Variants in NHERF2 observed in about 807,000 individuals in gnomAD.
NHERF2 encodes the protein NHERF family PDZ scaffold protein 2, also known as Na(+)/H(+) exchange regulatory cofactor NHE-RF2.
chr16:2,036,707 G>C, the NHERF2 span: 3 of 1,609,338 alleles, frequency 1.9e-6, no homozygotes, highest in Non-Finnish European at 1.7e-6. Flanking sequence ...TGGCGGGGCT[G>C]ATACATGCTG....
chr16:2,033,566 C>T, the NHERF2 span: 2 of 954,404 alleles, frequency 2.1e-6, no homozygotes, highest in Non-Finnish European at 3.0e-6. Context: ...CCTTTCTCTG[C>T]CAGGGCTGGT....
At chr16:2,038,365 T>C in the NHERF2 span, 1 of 450,128 alleles carries the variant, frequency 2.2e-6, no homozygotes, top group Non-Finnish European at 4.3e-6. Context: ...CAAAAAGATC[T>C]CCAGCTCCAC....
chr16:2,032,696 C>A, the NHERF2 span: 1 of 485,862 alleles, frequency 2.1e-6, no homozygotes, highest in Non-Finnish European at 2.7e-6. The surrounding 1 kb of genome is among the most constrained non-coding windows in gnomAD (Gnocchi z 4.0). Context: ...GCCGTGAAGG[C>A]CTAGTTAGTG....
chr16:2,033,743 T>C, the NHERF2 span, among the ~76,000 whole-genome samples: 538 of 152,026 alleles, frequency 3.5e-3, 2 homozygotes, highest in Non-Finnish European at 5.7e-3. Context: ...CGGCAGGAAG[T>C]GTGTGCTGAG....
the NHERF2 span, chr16:2,035,392 C>G: frequency 1.0e-6 from 1 of 981,124 alleles, no homozygotes; most frequent in Non-Finnish European, 1.2e-6. Flanking sequence ...CCGCCCCAGC[C>G]CTGGCCTGGC....
chr16:2,029,506 C>A, the NHERF2 span: 1 of 1,396,054 alleles, frequency 7.2e-7, no homozygotes, highest in Non-Finnish European at 9.9e-7. Flanking sequence ...CCTGGGCCAG[C>A]CCAGAGTGGT....
chr16:2,036,889 A>G, the NHERF2 span: 2 of 1,604,446 alleles, frequency 1.2e-6, no homozygotes, highest in African/African-American at 2.7e-5. Flanking sequence ...AAGGTGGGCC[A>G]CGGCCCAGGG....
the NHERF2 span, chr16:2,029,715 ACG>A: frequency 9.4e-7 from 1 of 1,068,848 alleles, no homozygotes; most frequent in Non-Finnish European, 1.3e-6. Context: ...CCACCCGCCC[ACG>A]ACCCCTGGGA....
chr16:2,033,053 T>C, the NHERF2 span: 2 of 1,293,886 alleles, frequency 1.5e-6, no homozygotes, highest in African/African-American at 1.5e-5. Flanking sequence ...CCGGGACTCC[T>C]CCCTGTCCCC....
the NHERF2 span, among the ~76,000 whole-genome samples, chr16:2,032,469 C>T: frequency 6.6e-6 from 1 of 152,234 alleles, no homozygotes; most frequent in African/African-American, 2.4e-5. The surrounding 1 kb of genome is among the most constrained non-coding windows in gnomAD (Gnocchi z 4.0). Context: ...GAGGGCAAAG[C>T]TTACCTTGCG....
the NHERF2 span, chr16:2,029,457 C>A: frequency 1.1e-6 from 1 of 881,960 alleles, no homozygotes; most frequent in Non-Finnish European, 1.8e-6. Flanking sequence ...CCTCTTGGTG[C>A]AGCCACCCGC....
the NHERF2 span, among the ~76,000 whole-genome samples, chr16:2,034,889 G>A: frequency 1.9e-4 from 29 of 152,264 alleles, no homozygotes; most frequent in Non-Finnish European, 3.5e-4. Context: ...TGGTGGGCAG[G>A]TGTCAGGGTC....
At chr16:2,027,937 C>A in the NHERF2 span, among the ~76,000 whole-genome samples, 1 of 152,232 alleles carries the variant, frequency 6.6e-6, no homozygotes, top group East Asian at 1.9e-4. Context: ...AAAGGCACTA[C>A]TCCTCCTCAG....
the NHERF2 span, among the ~76,000 whole-genome samples, chr16:2,028,027 G>T: frequency 1.3e-5 from 2 of 152,196 alleles, no homozygotes; most frequent in Admixed American, 1.3e-4. Context: ...TTCTCTGTGG[G>T]TTCTGACCCC....
chr16:2,036,603 G>T, the NHERF2 span: 1 of 1,524,934 alleles, frequency 6.6e-7, no homozygotes, highest in Non-Finnish European at 8.8e-7. Flanking sequence ...GGGAACCTGA[G>T]CTGGTGCGCC....
At chr16:2,031,059 G>C in the NHERF2 span, among the ~76,000 whole-genome samples, 43 of 152,330 alleles carry the variant, frequency 2.8e-4, 1 homozygote, top group Non-Finnish European at 5.6e-4. Flanking sequence ...GAGTTCTGAG[G>C]GTGCAGGGGA....
chr16:2,029,280 G>A, the NHERF2 span, among the ~76,000 whole-genome samples: 8 of 152,226 alleles, frequency 5.3e-5, no homozygotes, highest in Non-Finnish European at 1.2e-4. Flanking sequence ...TTACCCAGCG[G>A]CCCTATCCTG....
At chr16:2,030,643 T>TC in the NHERF2 span, among the ~76,000 whole-genome samples, 1 of 150,270 alleles carries the variant, frequency 6.7e-6, no homozygotes, top group Non-Finnish European at 1.5e-5. Context: ...TTTTTCATTT[T>TC]CAAAGAGAAC....
At chr16:2,037,492 GTGT>G in the NHERF2 span, 62 of 1,518,664 alleles carry the variant, frequency 4.1e-5, no homozygotes, top group African/African-American at 2.3e-4. Context: ...GCGTGTGCAG[GTGT>G]TGTGTGTGTC....
Sources: allele counts gnomAD v4.1 joint callset (sites outside exome capture counted in the v4.1 genomes callset), GRCh38; gene constraint gnomAD v4.1.1; non-coding constraint Gnocchi (gnomAD v3.1); transcripts MANE v1.5; gene names NCBI Gene and HGNC (gene_info 2026-07-23, HGNC 2026-07-21).